POU2AF2: variants seen among roughly 807,000 people sequenced by gnomAD.
POU2AF2 encodes the protein POU class 2 homeobox associating factor 2.
the POU2AF2 span, among the ~76,000 whole-genome samples, chr11:111,263,519 A>G: frequency 1.5e-5 from 2 of 135,318 alleles, no homozygotes; most frequent in African/African-American, 5.7e-5. Flanking sequence ...TGCAACCTCC[A>G]CCTCCTGGGT....
the POU2AF2 span, chr11:111,256,069 C>A: frequency 2.5e-6 from 1 of 399,076 alleles, no homozygotes; most frequent in Non-Finnish European, 4.4e-6. Flanking sequence ...ACGATCCGGG[C>A]AGACAAGTAA....
the POU2AF2 span, among the ~76,000 whole-genome samples, chr11:111,268,517 ATT>A: frequency 2.2e-5 from 2 of 91,724 alleles, no homozygotes; most frequent in African/African-American, 7.5e-5. Flanking sequence ...ATTTTATTTT[ATT>A]TTATTTTATT....
the POU2AF2 span, among the ~76,000 whole-genome samples, chr11:111,250,163 A>T: frequency 2.0e-5 from 3 of 151,936 alleles, no homozygotes; most frequent in Non-Finnish European, 4.4e-5. Context: ...TATTAATCAT[A>T]GTGCTGTTTT....
the POU2AF2 span, among the ~76,000 whole-genome samples, chr11:111,250,188 G>T: frequency 3.9e-5 from 6 of 152,148 alleles, no homozygotes; most frequent in African/African-American, 1.4e-4. Flanking sequence ...GGGTTGGGGG[G>T]TGTGTGTGTC....
At chr11:111,277,038 T>A in the POU2AF2 span, among the ~76,000 whole-genome samples, 1 of 152,222 alleles carries the variant, frequency 6.6e-6, no homozygotes, top group African/African-American at 2.4e-5. Flanking sequence ...TATTGATGTC[T>A]AATTTGTGAC....
the POU2AF2 span, among the ~76,000 whole-genome samples, chr11:111,274,621 G>T: frequency 2.7e-5 from 4 of 150,686 alleles, no homozygotes; most frequent in African/African-American, 9.7e-5. Flanking sequence ...AGACAGACAG[G>T]AAAGCACCCC....
At chr11:111,270,328 A>T in the POU2AF2 span, among the ~76,000 whole-genome samples, 1 of 152,250 alleles carries the variant, frequency 6.6e-6, no homozygotes, top group African/African-American at 2.4e-5. Context: ...AGAGAATTTA[A>T]ACATGGCTTT....
At chr11:111,283,046 G>A in the POU2AF2 span, among the ~76,000 whole-genome samples, 1 of 145,370 alleles carries the variant, frequency 6.9e-6, no homozygotes, top group East Asian at 2.1e-4. Flanking sequence ...CTCCACCAAG[G>A]AAAACTTTTT....
At chr11:111,274,628 C>A in the POU2AF2 span, among the ~76,000 whole-genome samples, 3 of 150,666 alleles carry the variant, frequency 2.0e-5, no homozygotes, top group Non-Finnish European at 4.4e-5. Context: ...CAGGAAAGCA[C>A]CCCACCCGAT....
At chr11:111,271,593 T>A in the POU2AF2 span, among the ~76,000 whole-genome samples, 3 of 152,022 alleles carry the variant, frequency 2.0e-5, no homozygotes, top group African/African-American at 7.2e-5. Flanking sequence ...AGTTAATTTA[T>A]TTTATTTTTT....
chr11:111,267,764 G>A, the POU2AF2 span, among the ~76,000 whole-genome samples: 3 of 152,150 alleles, frequency 2.0e-5, no homozygotes, highest in African/African-American at 7.2e-5. Flanking sequence ...TTCTCTCATA[G>A]TTGTACACAC....
chr11:111,261,909 G>T, the POU2AF2 span, among the ~76,000 whole-genome samples: 2 of 152,186 alleles, frequency 1.3e-5, no homozygotes, highest in Non-Finnish European at 2.9e-5. Flanking sequence ...AATATCCCAA[G>T]TGAGAAATGT....
chr11:111,267,671 C>G, the POU2AF2 span, among the ~76,000 whole-genome samples: 1 of 152,202 alleles, frequency 6.6e-6, no homozygotes. Flanking sequence ...CCCAGTGAAA[C>G]ATAGAGTTTA....
chr11:111,286,152 A>T, the POU2AF2 span: 4 of 1,367,402 alleles, frequency 2.9e-6, no homozygotes, highest in African/African-American at 5.9e-5. Flanking sequence ...GATTTTCAGA[A>T]TAAGCCTCAA....
chr11:111,246,327 G>A, the POU2AF2 span, among the ~76,000 whole-genome samples: 1 of 152,140 alleles, frequency 6.6e-6, no homozygotes, highest in Admixed American at 6.5e-5. Context: ...TAAGAAGTAA[G>A]GTCATTCTAT....
At chr11:111,276,439 GAAA>G in the POU2AF2 span, among the ~76,000 whole-genome samples, 27 of 44,442 alleles carry the variant, frequency 6.1e-4, no homozygotes, top group African/African-American at 1.8e-3. Flanking sequence ...CTACTAAAAA[GAAA>G]AAAAAAAAAA....
the POU2AF2 span, among the ~76,000 whole-genome samples, chr11:111,264,925 GAAGA>G: frequency 4.6e-5 from 5 of 109,052 alleles, no homozygotes; most frequent in African/African-American, 7.1e-5. Context: ...GAGAAAGAAA[GAAGA>G]AAGAAAGAGG....
At chr11:111,276,362 C>A in the POU2AF2 span, among the ~76,000 whole-genome samples, 1 of 148,568 alleles carries the variant, frequency 6.7e-6, no homozygotes, top group Admixed American at 6.8e-5. Context: ...CTTTGGGAGG[C>A]CAAGGCAGGT....
At chr11:111,273,297 A>G in the POU2AF2 span, among the ~76,000 whole-genome samples, 3 of 152,188 alleles carry the variant, frequency 2.0e-5, no homozygotes, top group Non-Finnish European at 4.4e-5. Context: ...GTTAACATCC[A>G]GCATTAACCT....
Sources: allele counts gnomAD v4.1 joint callset (sites outside exome capture counted in the v4.1 genomes callset), GRCh38; gene constraint gnomAD v4.1.1; transcripts MANE v1.5; gene names NCBI Gene and HGNC (gene_info 2026-07-23, HGNC 2026-07-21).